The following POLR3H variants were observed in gnomAD, a reference collection of about 807,000 sequenced individuals.
POLR3H encodes the protein RNA polymerase III subunit H.
POLR3H carries 17 observed loss-of-function variants against 25.5 expected under a neutral mutation model. That is an observed-to-expected ratio of 0.67 (90% CI 0.46 to 1.00). The LOEUF (loss-of-function observed/expected upper bound fraction) is 1.00, where lower values mean the gene tolerates loss of function less well. Among genes scored for constraint, POLR3H ranks in the 50% least tolerant of loss-of-function variants. The probability of loss-of-function intolerance (pLI) is 0.00; values close to 1 mark genes in which losing one functional copy is unlikely to be tolerated. For missense variants in POLR3H, 274 were observed against 265.0 expected (o/e 1.03, Z -0.24); for synonymous variants, 129 against 103.0 (o/e 1.25, Z -1.53).
intron 2 of POLR3H, among the ~76,000 whole-genome samples, chr22:41,537,824 T>TG (rs1377075344): frequency 6.6e-6 from 1 of 152,132 alleles, no homozygotes; most frequent in Non-Finnish European, 1.5e-5. Flanking sequence ...CTTTTTTTTT[T>TG]TGAGACGGGG....
rs1460862974 is a variant in POLR3H, at chr22:41,540,732, C to T, written c.175G>A (p.Val59Ile). Residue 59 changes from valine to isoleucine, a missense_variant, in exon 2 of 6, where the codon GTA becomes ATA. Val to Ile is a conservative substitution (Grantham distance 29, BLOSUM62 3). Transcript: ENST00000355209. ...TGTGATGCGCCATCCCCAGGGAATA[C>T]ATAGGCATCCTCCAGTTTGGTGATA... ...FDITKLEDAY[V>I]FPGDGASHTK... is the part of the protein sequence containing the mutation. 6.2e-7 allele frequency: 1 copy of T among 1,614,134 alleles called. No homozygotes were observed. The highest frequency in any genetic ancestry group is 8.5e-7 in the Non-Finnish European group (1 of 1,179,994).
chr22:41,533,595 G>A (rs138241314), intron 2 of POLR3H: 57 of 1,300,124 alleles, frequency 4.4e-5, no homozygotes, highest in Middle Eastern at 4.7e-4. Context: ...CCACGATGCC[G>A]TCAACCATTT....
intron 2 of POLR3H, chr22:41,539,964 T>C (rs2066904178): frequency 6.2e-6 from 1 of 161,188 alleles, no homozygotes; most frequent in Non-Finnish European, 1.4e-5. Context: ...AGAGCTTTCA[T>C]GTATTAACTC....
At position 41,532,086 on chromosome 22, in the gene POLR3H, G is replaced by A. The variant is rs771635776; in HGVS notation, c.359+8C>T. On this transcript the variant is annotated splice_region_variant and intron_variant, in intron 4 of 5. Transcript: ENST00000355209. ...CTGTGACAAACCACTTTAACCCTTG[G>A]AGGATACAACTTGGCTGGCTGCTGC... The A allele has an allele frequency of 3.7e-5, 59 of 1,613,594 alleles. No individual in the cohort carries two copies. Among genetic ancestry groups the A allele is most frequent in the Non-Finnish European group, 4.6e-5 (54 of 1,179,620 alleles).
intron 1 of POLR3H, among the ~76,000 whole-genome samples, chr22:41,543,462 A>G (rs1433216105): frequency 6.6e-6 from 1 of 152,122 alleles, no homozygotes; most frequent in Admixed American, 6.5e-5. Flanking sequence ...TACGAAAAAT[A>G]CAAAAATTAG....
In POLR3H at chr22:41,527,025, T is replaced by C; in HGVS notation, c.*2258A>G. On this transcript the variant is annotated 3_prime_UTR_variant, in exon 6 of 6. Coordinates refer to ENST00000355209, the MANE Select transcript of POLR3H (RefSeq NM_001018050.4). ...ACCTCCCTCCACACACACCTGCCTC[T>C]GCCAAGCACCAATGGGTGGCTTCTG... is the stretch of plus-strand genomic sequence containing the variant. 1 of 554,844 alleles carries C rather than the reference T, an allele frequency of 1.8e-6. No homozygotes were observed. The highest frequency in any genetic ancestry group is 3.2e-6 in the Non-Finnish European group (1 of 311,702). 34.4% of individuals were successfully genotyped at this position (554,844 alleles called of 1,614,324 possible).
chr22:41,530,555 C>T, intron 5 of POLR3H, 132 bp downstream of exon 5: 1 of 830,566 alleles, frequency 1.2e-6, no homozygotes, highest in Non-Finnish European at 1.8e-6. Flanking sequence ...AAGTGACCAG[C>T]CAAGACCCCC....
At chr22:41,530,542 G>A (rs1224835821) in intron 5 of POLR3H, 145 bp downstream of exon 5, 18 of 720,264 alleles carry the variant, frequency 2.5e-5, no homozygotes, top group Non-Finnish European at 3.6e-5. Flanking sequence ...GCTCTCCAGG[G>A]AGAAGTGACC....
At chr22:41,533,029 C>T (rs2066772518) in intron 2 of POLR3H, among the ~76,000 whole-genome samples, 1 of 152,216 alleles carries the variant, frequency 6.6e-6, no homozygotes. Flanking sequence ...CAACCTCCCT[C>T]CAGGCTCTCC....
chr22:41,526,318 C>T lies in POLR3H; in HGVS notation c.*2965G>A, dbSNP rs1030307613. The T allele has an allele frequency of 5.6e-6, 9 of 1,612,782 alleles. No homozygotes were observed. Among genetic ancestry groups the T allele is most frequent in the Non-Finnish European group, 6.8e-6 (8 of 1,180,036 alleles). ...CAGCTGCTGGCCCCTGGCTCAAGTT[C>T]CGTGGGCACTTGGATAACATCTCCA... is the stretch of plus-strand genomic sequence containing the variant. On this transcript the variant is annotated 3_prime_UTR_variant, in exon 6 of 6. Coordinates refer to ENST00000355209, the MANE Select transcript of POLR3H (RefSeq NM_001018050.4).
At chr22:41,540,830 A>G in intron 1 of POLR3H, 35 bp from the exon 2 acceptor site, 1 of 1,530,634 alleles carries the variant, frequency 6.5e-7, no homozygotes, top group Non-Finnish European at 9.0e-7. Flanking sequence ...ACAAGTACAC[A>G]TGGATACAGA....
chr22:41,528,222 TC>T lies in POLR3H; in HGVS notation c.*1060del. 1.2e-6 allele frequency: 1 copy of T among 852,626 alleles called. No homozygotes were observed. The highest frequency in any genetic ancestry group is 1.8e-6 in the Non-Finnish European group (1 of 565,478). The allele number at this position is 852,626 out of a possible 1,614,324, so 52.8% of individuals were successfully genotyped here. A position where few individuals can be genotyped will look rare whatever the true frequency, so the allele number is the denominator to read the frequency against. ...GGAGTCAACCCGGGGCCCTCACACC[TC>T]CCCAACCTCCCTTTACTCACCAGGA... is the stretch of plus-strand genomic sequence containing the variant. On this transcript the variant is annotated 3_prime_UTR_variant, in exon 6 of 6. Coordinates refer to ENST00000355209, the MANE Select transcript of POLR3H (RefSeq NM_001018050.4).
chr22:41,526,538 G>A lies in POLR3H; in HGVS notation c.*2745C>T, dbSNP rs1049930155. The A allele has an allele frequency of 8.9e-6, 13 of 1,460,030 alleles. No individual in the cohort carries two copies. The African/African-American group carries it at 1.4e-4, about 16-fold the overall frequency. 90.4% of individuals were successfully genotyped at this position (1,460,030 alleles called of 1,614,324 possible). On this transcript the variant is annotated 3_prime_UTR_variant, in exon 6 of 6. Coordinates refer to ENST00000355209, the MANE Select transcript of POLR3H (RefSeq NM_001018050.4). ...GGTGCAGGGAGGACATTAGGGGAGT[G>A]GAAACTGGGAAGGAGGCCGACCAAG...
In POLR3H at chr22:41,526,818, C is replaced by T. The variant is rs1309527545; in HGVS notation, c.*2465G>A. ...GCAGAGAGGGTCTGAGGTGATTGGACTTTTTCTGCTTTGAGAAACAAACAG... is the reference window on the plus strand; with the variant it reads ...GCAGAGAGGGTCTGAGGTGATTGGATTTTTTCTGCTTTGAGAAACAAACAG... On this transcript the variant is annotated 3_prime_UTR_variant, in exon 6 of 6. Coordinates refer to ENST00000355209, the MANE Select transcript of POLR3H (RefSeq NM_001018050.4). 3.3e-6 allele frequency: 1 copy of T among 302,284 alleles called. No individual in the cohort carries two copies. The highest frequency in any genetic ancestry group is 6.8e-5 in the East Asian group (1 of 14,630). The allele number at this position is 302,284 out of a possible 1,614,324, so 18.7% of individuals were successfully genotyped here.
intron 3 of POLR3H, 54 bp downstream of exon 3, chr22:41,532,605 T>A: frequency 6.2e-7 from 1 of 1,613,392 alleles, no homozygotes; most frequent in Non-Finnish European, 8.5e-7. Flanking sequence ...GACACAGACC[T>A]CCTGCCCCCA....
chr22:41,542,284 A>G (rs1276846473), intron 1 of POLR3H, among the ~76,000 whole-genome samples: 2 of 152,082 alleles, frequency 1.3e-5, no homozygotes, highest in East Asian at 3.9e-4. Flanking sequence ...GGGCTTCACC[A>G]TGTTGGACAG....
intron 2 of POLR3H, 130 bp downstream of exon 2, chr22:41,540,569 T>C (rs2066912434): frequency 1.3e-6 from 1 of 756,132 alleles, no homozygotes; most frequent in Non-Finnish European, 2.4e-6. Flanking sequence ...CCTTGAACTC[T>C]GTGGCTCAAG....
chr22:41,532,289 G>C, intron 3 of POLR3H, 132 bp from the exon 4 acceptor site: 1 of 887,308 alleles, frequency 1.1e-6, no homozygotes. Flanking sequence ...TGGAAACCTA[G>C]GCCCCTTCCC....
In POLR3H at chr22:41,526,737, G is replaced by A. The variant is rs1042774005; in HGVS notation, c.*2546C>T. ...AAGACAAGGAAGGGGGCCGACTCAG[G>A]AAGTCAGAGGCCAAAAGCTCAGAGA... On this transcript the variant is annotated 3_prime_UTR_variant, in exon 6 of 6. Coordinates refer to ENST00000355209, the MANE Select transcript of POLR3H (RefSeq NM_001018050.4). The A allele has an allele frequency of 2.6e-6, 1 of 391,468 alleles. No individual in the cohort carries two copies. Among genetic ancestry groups the A allele is most frequent in the Non-Finnish European group, 4.6e-6 (1 of 215,640 alleles). The allele number at this position is 391,468 out of a possible 1,614,324, so 24.2% of individuals were successfully genotyped here.
Sources: allele counts gnomAD v4.1 joint callset (sites outside exome capture counted in the v4.1 genomes callset), GRCh38; gene constraint gnomAD v4.1.1; transcripts MANE v1.5; gene names NCBI Gene and HGNC (gene_info 2026-07-23, HGNC 2026-07-21).